The following NEDD4 variants were observed in gnomAD, a reference collection of about 807,000 sequenced individuals.
NEDD4 encodes NEDD4 E3 ubiquitin protein ligase, also known as E3 ubiquitin-protein ligase NEDD4.
NEDD4 carries 99 observed loss-of-function variants against 144.9 expected under a neutral mutation model. The observed-to-expected ratio is 0.68, with a 90% CI of 0.58 to 0.81. The LOEUF (loss-of-function observed/expected upper bound fraction) is 0.81. Ranked by LOEUF, NEDD4 falls within the 30% of genes least tolerant of loss-of-function variation. The pLI, the probability that NEDD4 is intolerant of heterozygous loss-of-function variation, is 0.00. For missense variants in NEDD4, 985 were observed against 1,065.9 expected, an observed-to-expected ratio of 0.92 and a Z score of 1.06; for synonymous variants, 318 against 350.6, an observed-to-expected ratio of 0.91 and a Z score of 1.04.
intron 5 of NEDD4, among the ~76,000 whole-genome samples, chr15:55,894,084 A>G (rs1028805288): frequency 6.6e-6 from 1 of 152,196 alleles, no homozygotes; most frequent in African/African-American, 2.4e-5. Context: ...TGGAAACTGG[A>G]TATCTTTGCA....
At chr15:55,878,119 C>T (rs1011665406) in intron 5 of NEDD4, among the ~76,000 whole-genome samples, 18 of 152,100 alleles carry the variant, frequency 1.2e-4, no homozygotes, top group African/African-American at 4.1e-4. Context: ...AAGAGATGAA[C>T]TTTGAATTCA....
rs539580549 is a variant in NEDD4 at position 55,856,118 on chromosome 15, G to C, written c.1026+13C>G. 2 of 1,603,758 alleles carry C rather than the reference G, an allele frequency of 1.2e-6. No individual in the cohort carries two copies. Among genetic ancestry groups the C allele is most frequent in the Admixed American group, 3.3e-5 (2 of 59,966 alleles). On this transcript the variant is annotated intron_variant, in intron 12 of 28. Coordinates refer to ENST00000435532, the MANE Select transcript of NEDD4 (RefSeq NM_006154.4). ...TATATTTTTATTGATTGATGGGAGA[G>C]GGTAAAACTCACCACAGGAAGTGTA... is the stretch of plus-strand genomic sequence containing the variant.
intron 5 of NEDD4, among the ~76,000 whole-genome samples, chr15:55,914,232 T>G (rs556554933): frequency 1.3e-5 from 2 of 150,954 alleles, no homozygotes; most frequent in East Asian, 3.9e-4. Flanking sequence ...TTAATAAACA[T>G]AATGGATGTT....
intron 4 of NEDD4, among the ~76,000 whole-genome samples, chr15:55,931,582 A>G (rs1271878355): frequency 6.6e-6 from 1 of 152,260 alleles, no homozygotes; most frequent in African/African-American, 2.4e-5. Context: ...CTATAAATGC[A>G]TAAAACAACA....
intron 21 of NEDD4, among the ~76,000 whole-genome samples, chr15:55,840,121 TGGG>T: frequency 6.8e-6 from 1 of 146,366 alleles, no homozygotes; most frequent in Admixed American, 6.9e-5. Flanking sequence ...AAGTATTTAG[TGGG>T]ATGTTTAATG....
At chr15:55,954,588 G>A (rs569156358) in intron 2 of NEDD4, among the ~76,000 whole-genome samples, 20 of 151,902 alleles carry the variant, frequency 1.3e-4, no homozygotes, top group Middle Eastern at 3.4e-3. Flanking sequence ...GCAATGGCGC[G>A]ATCTCGGCTC....
intron 5 of NEDD4, among the ~76,000 whole-genome samples, chr15:55,888,871 T>C (rs1416226268): frequency 6.6e-6 from 1 of 152,208 alleles, no homozygotes; most frequent in African/African-American, 2.4e-5. Flanking sequence ...CTTTAATAAC[T>C]GGTGCTGAGA....
intron 1 of NEDD4, among the ~76,000 whole-genome samples, chr15:55,990,705 T>C (rs1441054045): frequency 2.0e-5 from 3 of 152,094 alleles, no homozygotes; most frequent in East Asian, 1.9e-4. Flanking sequence ...AAACAGTGTT[T>C]AGTTTTCCCA....
intron 1 of NEDD4, among the ~76,000 whole-genome samples, 182 bp downstream of exon 1, chr15:55,993,329 G>A (rs900638039): frequency 1.3e-5 from 2 of 152,132 alleles, no homozygotes; most frequent in South Asian, 4.1e-4. Flanking sequence ...CGAGCCCCCA[G>A]CGCCCGCGCG....
At chr15:55,862,762 AT>A in intron 9 of NEDD4, 150 bp downstream of exon 9, 1 of 653,762 alleles carries the variant, frequency 1.5e-6, no homozygotes, top group Non-Finnish European at 2.3e-6. Context: ...CAGAGTTAGG[AT>A]TTTTAAAGTC....
intron 8 of NEDD4, among the ~76,000 whole-genome samples, chr15:55,868,796 A>G (rs1336314039): frequency 6.6e-6 from 1 of 152,206 alleles, no homozygotes; most frequent in Non-Finnish European, 1.5e-5. Context: ...GGGAACCTCA[A>G]CGAGCAGGTG....
At position 55,892,638 on chromosome 15, in the gene NEDD4, A is replaced by C. The variant is rs558939149; in HGVS notation, c.292-18630T>G. ...CGAGTACAAAATCAAAAAGAAAATG[A>C]AACAGTTTCTACCCTCCAGCTATCC... On this transcript the variant is annotated intron_variant, in intron 5 of 28. Transcript: ENST00000435532. Among the ~76,000 whole-genome samples, 193 of 149,570 alleles carry C rather than the reference A, an allele frequency of 1.3e-3. 1 individual carries two copies. Among genetic ancestry groups the C allele is most frequent in the African/African-American group, 4.7e-3 (190 of 40,712 alleles).
intron 1 of NEDD4, among the ~76,000 whole-genome samples, chr15:55,971,894 A>T (rs1566973776): frequency 6.6e-6 from 1 of 152,208 alleles, no homozygotes; most frequent in Non-Finnish European, 1.5e-5. Flanking sequence ...AAAACAAAAC[A>T]AAAAACAAAG....
chr15:55,926,570 C>G (rs1482297960), intron 4 of NEDD4, among the ~76,000 whole-genome samples: 1 of 152,114 alleles, frequency 6.6e-6, no homozygotes, highest in Admixed American at 6.6e-5. Context: ...GAGTTGGAGA[C>G]CAGCCTGGGC....
intron 4 of NEDD4, among the ~76,000 whole-genome samples, chr15:55,947,084 C>T (rs2037129788): frequency 1.3e-5 from 2 of 152,084 alleles, no homozygotes; most frequent in Non-Finnish European, 2.9e-5. Context: ...ACCCTAACAT[C>T]ACAATTGAAA....
chr15:55,932,863 G>A (rs1479569037), intron 4 of NEDD4, among the ~76,000 whole-genome samples: 1 of 152,078 alleles, frequency 6.6e-6, no homozygotes, highest in Non-Finnish European at 1.5e-5. Context: ...GTGGGCAAAG[G>A]ATATGCACAG....
At chr15:55,842,518 C>A (rs978892644) in intron 18 of NEDD4, among the ~76,000 whole-genome samples, 1 of 152,186 alleles carries the variant, frequency 6.6e-6, no homozygotes. Context: ...TCCTAAGTAA[C>A]TGGACCACAG....
At chr15:55,897,821 A>G (rs948230484) in intron 5 of NEDD4, among the ~76,000 whole-genome samples, 3 of 152,152 alleles carry the variant, frequency 2.0e-5, no homozygotes, top group Non-Finnish European at 4.4e-5. Flanking sequence ...CTTCCTTACG[A>G]AGGGGTGATC....
chr15:55,934,426 G>A (rs144970052), intron 4 of NEDD4, among the ~76,000 whole-genome samples: 45 of 152,178 alleles, frequency 3.0e-4, no homozygotes, highest in African/African-American at 9.6e-4. Flanking sequence ...ACATTGGTGC[G>A]CAAGTTTTCT....
Sources: allele counts gnomAD v4.1 joint callset (sites outside exome capture counted in the v4.1 genomes callset), GRCh38; gene constraint gnomAD v4.1.1; transcripts MANE v1.5; gene names NCBI Gene and HGNC (gene_info 2026-07-23, HGNC 2026-07-21).